The following PARVA variants were observed in gnomAD, a reference collection of about 807,000 sequenced individuals.
PARVA encodes parvin alpha, also known as alpha-parvin.
In PARVA, 25 loss-of-function variants were observed where a neutral mutation model predicts 52.6. The ratio of observed to expected loss-of-function variants is 0.48; its 90% CI spans 0.35 to 0.66. PARVA has a LOEUF of 0.66. Among genes scored for constraint, PARVA ranks in the 30% least tolerant of loss-of-function variants. The probability of loss-of-function intolerance (pLI) is 0.01; values close to 1 mark genes in which losing one functional copy is unlikely to be tolerated. For synonymous variants in PARVA, 185 were observed against 179.1 expected, an observed-to-expected ratio of 1.03 and a Z score of -0.26; for missense variants, 373 against 450.9, an observed-to-expected ratio of 0.83 and a Z score of 1.56.
intron 10 of PARVA, among the ~76,000 whole-genome samples, chr11:12,515,149 C>T (rs1395250890): frequency 1.3e-5 from 2 of 152,202 alleles, no homozygotes; most frequent in Non-Finnish European, 2.9e-5. Flanking sequence ...TGGTGTTCAC[C>T]GGATTTCCCT....
rs1234305300 is a variant in PARVA at position 12,504,388 on chromosome 11, C to T, written c.616C>T (p.Arg206Ter). 2.5e-6 allele frequency: 4 copies of T among 1,613,532 alleles called. No individual in the cohort carries two copies. Among genetic ancestry groups the T allele is most frequent in the African/African-American group, 2.7e-5 (2 of 74,926 alleles). Residue 206 changes from arginine to a stop codon, truncating the protein, a stop_gained, in exon 6 of 13, where the codon CGA becomes TGA. Coordinates refer to ENST00000334956, the MANE Select transcript of PARVA (RefSeq NM_018222.5). LOFTEE classifies it high-confidence loss of function. ...ALSQYFRAPI[R>*]LPDHVSIQVV... ...GTCTCAGTATTTCCGCGCACCAATT[C>T]GACTCCCAGACCATGTTTCCATCCA...
chr11:12,438,456 AG>A (rs942604007), intron 1 of PARVA, among the ~76,000 whole-genome samples: 11 of 152,142 alleles, frequency 7.2e-5, no homozygotes, highest in African/African-American at 2.4e-4. Context: ...GTCCACTCCC[AG>A]GATAACTAAT....
intron 1 of PARVA, among the ~76,000 whole-genome samples, chr11:12,417,962 G>A (rs1216530620): frequency 1.3e-5 from 2 of 152,216 alleles, no homozygotes; most frequent in Non-Finnish European, 2.9e-5. Context: ...AGTGCCAGAT[G>A]CTGATGCAGA....
At chr11:12,471,651 TTGA>T (rs1179033626) in intron 1 of PARVA, among the ~76,000 whole-genome samples, 12 of 152,220 alleles carry the variant, frequency 7.9e-5, no homozygotes, top group African/African-American at 2.7e-4. Context: ...GAGAACATAC[TTGA>T]TGATCTTGTG....
intron 1 of PARVA, among the ~76,000 whole-genome samples, chr11:12,450,358 A>T (rs1287694542): frequency 6.6e-6 from 1 of 152,224 alleles, no homozygotes; most frequent in African/African-American, 2.4e-5. Flanking sequence ...TCTTAGATTA[A>T]TGTCTGTTTT....
chr11:12,515,581 C>T lies in PARVA; in HGVS notation c.867+1516C>T, dbSNP rs142959337. Among the ~76,000 whole-genome samples, 417 of 152,280 alleles carry T rather than the reference C, an allele frequency of 2.7e-3. 2 individuals carry two copies. The highest frequency in any genetic ancestry group is 0.01 in the Middle Eastern group (3 of 294). On this transcript the variant is annotated intron_variant, in intron 10 of 12. Coordinates refer to ENST00000334956, the MANE Select transcript of PARVA (RefSeq NM_018222.5). ...GGAACCAGCCATGGGAGGTGAGGAG[C>T]AGTCTAAGCCTGGCACTCAGAGCTG...
intron 1 of PARVA, among the ~76,000 whole-genome samples, chr11:12,396,559 T>A (rs1565326623): frequency 6.6e-6 from 1 of 152,128 alleles, no homozygotes. Context: ...TCTCATAAGG[T>A]TGTCTTGAAG....
intron 4 of PARVA, among the ~76,000 whole-genome samples, chr11:12,496,157 A>T (rs538536828): frequency 3.6e-4 from 55 of 152,200 alleles, no homozygotes; most frequent in Non-Finnish European, 7.2e-4. Context: ...GATAGAATTG[A>T]AAAGAAGGAG....
rs1161674420 is a variant in PARVA at position 12,518,491 on chromosome 11, T to C, written c.1016T>C (p.Leu339Ser). ...FAFELMQDGG[L>S]EKPKPRPEDI... The stretch of plus-strand genomic sequence containing the variant: ...TTTGAGCTCATGCAAGATGGAGGGT[T>C]GGAAAAGCCAAAACCGCGGCCAGAA... The change falls in exon 12 of 13, where the codon TTG (leucine) becomes TCG (serine). Residue 339 changes from leucine (L) to serine (S), a missense_variant. Physicochemically the swap from Leu to Ser is moderately radical, Grantham distance 145 (BLOSUM62 -2). Coordinates refer to ENST00000334956, the MANE Select transcript of PARVA (RefSeq NM_018222.5). 6.2e-7 allele frequency: 1 copy of C among 1,613,728 alleles called. No homozygotes were observed. Among genetic ancestry groups the C allele is most frequent in the Non-Finnish European group, 8.5e-7 (1 of 1,179,806 alleles).
At chr11:12,407,841 G>A (rs1480621633) in intron 1 of PARVA, among the ~76,000 whole-genome samples, 3 of 152,132 alleles carry the variant, frequency 2.0e-5, no homozygotes, top group Non-Finnish European at 4.4e-5. Flanking sequence ...AGGCCTTTTT[G>A]CACCTCATAA....
At chr11:12,480,285 A>G (rs1053380249) in intron 4 of PARVA, 2 of 152,074 alleles carry the variant, frequency 1.3e-5, no homozygotes, top group African/African-American at 4.8e-5. Flanking sequence ...CTAGGAAGTT[A>G]AACTGATTTG....
At chr11:12,394,930 A>G (rs1009090793) in intron 1 of PARVA, among the ~76,000 whole-genome samples, 1 of 151,940 alleles carries the variant, frequency 6.6e-6, no homozygotes, top group East Asian at 1.9e-4. Context: ...CATCTCTACT[A>G]AAAATACAAA....
chr11:12,500,307 T>C (rs1035226234), intron 5 of PARVA, among the ~76,000 whole-genome samples: 1 of 152,122 alleles, frequency 6.6e-6, no homozygotes, highest in Non-Finnish European at 1.5e-5. Flanking sequence ...CGCTTACTCT[T>C]ATCCCATATG....
At chr11:12,462,815 A>G (rs1241903884) in intron 1 of PARVA, among the ~76,000 whole-genome samples, 1 of 152,190 alleles carries the variant, frequency 6.6e-6, no homozygotes, top group Admixed American at 6.5e-5. Context: ...TCCCTAAGTT[A>G]GGAGGAAGCT....
At chr11:12,402,955 G>C (rs1939850770) in intron 1 of PARVA, among the ~76,000 whole-genome samples, 1 of 152,120 alleles carries the variant, frequency 6.6e-6, no homozygotes, top group Non-Finnish European at 1.5e-5. Flanking sequence ...TAACGTACTT[G>C]GCACGGCTGA....
intron 1 of PARVA, among the ~76,000 whole-genome samples, chr11:12,410,948 G>A (rs957801051): frequency 5.3e-5 from 8 of 152,140 alleles, no homozygotes; most frequent in Non-Finnish European, 5.9e-5. Context: ...TAACCTCGCC[G>A]TACCTCACTT....
rs547947957 is a variant in PARVA, at chr11:12,390,778, A to G, written c.136+12995A>G. On this transcript the variant is annotated intron_variant, in intron 1 of 12. Coordinates refer to ENST00000334956, the MANE Select transcript of PARVA (RefSeq NM_018222.5). ...CTCTCCCTGGCTCTCAGCCCTGGTGAGGCAGACCTGCAGATGACAGGTAAT... is the reference window on the plus strand; with the variant it reads ...CTCTCCCTGGCTCTCAGCCCTGGTGGGGCAGACCTGCAGATGACAGGTAAT... 2.0e-5 allele frequency among the ~76,000 whole-genome samples: 3 copies of G among 152,308 alleles called. No homozygotes were observed. In the East Asian group the frequency reaches 5.8e-4, roughly 29 times the overall value.
chr11:12,446,002 G>T (rs755815728), intron 1 of PARVA, among the ~76,000 whole-genome samples: 1 of 151,668 alleles, frequency 6.6e-6, no homozygotes, highest in Non-Finnish European at 1.5e-5. Flanking sequence ...AGCAATTGAA[G>T]AAATTATCAG....
intron 1 of PARVA, among the ~76,000 whole-genome samples, chr11:12,446,137 T>G (rs1940544693): frequency 6.6e-6 from 1 of 152,110 alleles, no homozygotes; most frequent in Non-Finnish European, 1.5e-5. Context: ...GTAATAAACA[T>G]GACATCTAAA....
Sources: gnomAD v4.1 joint callset for allele counts (sites outside exome capture counted in the v4.1 genomes callset) on GRCh38, gnomAD v4.1.1 for gene constraint, MANE v1.5 for transcripts, NCBI Gene and HGNC (gene_info 2026-07-23, HGNC 2026-07-21) for gene names.